The following HMGB1 variants were observed in gnomAD, a reference collection of about 807,000 sequenced individuals.
HMGB1 encodes the protein high mobility group protein B1.
For synonymous variants in HMGB1, 81 were observed against 84.0 expected (o/e 0.96, Z 0.19); for missense variants, 79 against 253.5 (o/e 0.31, Z 4.67).
intron 1 of HMGB1, among the ~76,000 whole-genome samples, chr13:30,516,959 T>C (rs762601686): frequency 6.6e-6 from 1 of 152,126 alleles, no homozygotes; most frequent in Non-Finnish European, 1.5e-5. Context: ...CTAGGGTTCT[T>C]GTGCTTTTAA....
chr13:30,582,545 G>A lies in HMGB1; in HGVS notation c.-15+34126C>T, dbSNP rs192977075. On this transcript the variant is annotated intron_variant, in intron 1 of 4. Transcript: ENST00000405805. ...CCCAGCTACTCGGGAGGCTGAGGCC[G>A]GAGAATGGCATGAACCCGGGAGGTG... 2.6e-5 allele frequency among the ~76,000 whole-genome samples: 4 copies of A among 152,184 alleles called. No homozygotes were observed. In the East Asian group the frequency reaches 5.8e-4, roughly 22 times the overall value.
At position 30,611,901 on chromosome 13, in the gene HMGB1, GAA is replaced by G. The variant is rs528528827; in HGVS notation, c.-15+4768_-15+4769del. ...AAAAAGTTAATAGCTTTCTCAATAA[GAA>G]AAGAGTATCAATTATGCATACGTCT... On this transcript the variant is annotated intron_variant, in intron 1 of 4. Transcript: ENST00000405805. Among the ~76,000 whole-genome samples, 163 of 146,794 alleles carry G rather than the reference GAA, an allele frequency of 1.1e-3. 1 individual carries two copies. The highest frequency in any genetic ancestry group is 1.7e-3 in the Non-Finnish European group (117 of 66,998).
chr13:30,478,668 TTTTTC>T (rs1209867032), intron 1 of HMGB1, among the ~76,000 whole-genome samples: 3 of 152,126 alleles, frequency 2.0e-5, no homozygotes, highest in African/African-American at 4.8e-5. Context: ...CTTTGCTTTC[TTTTTC>T]TTTTCTTTTT....
intron 1 of HMGB1, among the ~76,000 whole-genome samples, chr13:30,576,706 G>C (rs1243030436): frequency 3.3e-5 from 5 of 151,664 alleles, no homozygotes; most frequent in African/African-American, 4.8e-5. Context: ...ACTATCTCCT[G>C]GAAGCTTTCC....
rs201042319 is a variant in HMGB1 at position 30,580,523 on chromosome 13, C to CA, written c.-15+36147dup. ...TGGAATTCACAGGAGAGCAATTTACCAAAAAAAAGAAATTTATTGATTTAT... is the reference window on the plus strand; with the variant it reads ...TGGAATTCACAGGAGAGCAATTTACCAAAAAAAAAGAAATTTATTGATTTAT... On this transcript the variant is annotated intron_variant, in intron 1 of 4. Transcript: ENST00000405805. Among the ~76,000 whole-genome samples the CA allele has an allele frequency of 1.0e-3, 159 of 151,458 alleles. 1 individual carries two copies. Among genetic ancestry groups the CA allele is most frequent in the South Asian group, 1.7e-3 (8 of 4,774 alleles).
At chr13:30,485,545 G>A (rs34700691) in intron 1 of HMGB1, among the ~76,000 whole-genome samples, 25,750 of 152,042 alleles carry the variant, frequency 0.17, 2,398 homozygotes, top group Middle Eastern at 0.3. Context: ...TTAGAGCGAG[G>A]GTCTCTCTAG....
intron 1 of HMGB1, among the ~76,000 whole-genome samples, chr13:30,585,082 T>G (rs1411292353): frequency 1.3e-5 from 2 of 151,456 alleles, no homozygotes; most frequent in Non-Finnish European, 2.9e-5. Context: ...CCCAGGAGAT[T>G]GAGGTTGCAG....
At chr13:30,591,442 T>C (rs2137553333) in intron 1 of HMGB1, among the ~76,000 whole-genome samples, 1 of 152,190 alleles carries the variant, frequency 6.6e-6, no homozygotes, top group Admixed American at 6.5e-5. Flanking sequence ...TTATATAATA[T>C]ATTGTGCTAA....
intron 1 of HMGB1, among the ~76,000 whole-genome samples, chr13:30,563,360 G>A (rs1870044541): frequency 6.6e-6 from 1 of 152,134 alleles, no homozygotes; most frequent in Non-Finnish European, 1.5e-5. Context: ...TGTAATCCTG[G>A]CACTTTGGGA....
At chr13:30,550,425 A>G (rs1869371220) in intron 1 of HMGB1, among the ~76,000 whole-genome samples, 1 of 152,234 alleles carries the variant, frequency 6.6e-6, no homozygotes, top group African/African-American at 2.4e-5. Flanking sequence ...ATGGAATGAG[A>G]GTACATATCC....
chr13:30,477,800 C>G (rs1159957834), intron 1 of HMGB1, among the ~76,000 whole-genome samples: 2 of 152,174 alleles, frequency 1.3e-5, no homozygotes, highest in Admixed American at 6.5e-5. Context: ...CAGTGAGGAG[C>G]TGGACCGGTT....
At chr13:30,610,280 T>C (rs1464571753) in intron 1 of HMGB1, among the ~76,000 whole-genome samples, 1 of 152,234 alleles carries the variant, frequency 6.6e-6, no homozygotes, top group Non-Finnish European at 1.5e-5. Context: ...AACCCCTGTG[T>C]TGCTCAAGGG....
At chr13:30,482,966 T>C (rs1045208520) in intron 1 of HMGB1, among the ~76,000 whole-genome samples, 2 of 150,702 alleles carry the variant, frequency 1.3e-5, no homozygotes, top group Non-Finnish European at 3.0e-5. Flanking sequence ...TTTTTTTTTT[T>C]TCCGTAGAGA....
At chr13:30,489,194 C>T (rs1887430070) in intron 1 of HMGB1, among the ~76,000 whole-genome samples, 1 of 152,106 alleles carries the variant, frequency 6.6e-6, no homozygotes, top group African/African-American at 2.4e-5. Context: ...TTTCTAGGCA[C>T]TTCTAAAAAC....
In HMGB1 at chr13:30,533,214, A is replaced by G. The variant is rs1244706761; in HGVS notation, c.-14-69520T>C. Among the ~76,000 whole-genome samples the G allele has an allele frequency of 8.5e-5, 13 of 152,336 alleles. No individual in the cohort carries two copies. In the East Asian group the frequency reaches 2.5e-3, roughly 29 times the overall value. On this transcript the variant is annotated intron_variant, in intron 1 of 4. Coordinates refer to the HMGB1 transcript ENST00000405805. ...GAGCCAATGTACCATGCAGGGAGGC[A>G]CTGGGATTGGAGCCTGGGGACATTT...
intron 1 of HMGB1, among the ~76,000 whole-genome samples, chr13:30,550,501 C>T (rs567739579): frequency 6.6e-6 from 1 of 152,278 alleles, no homozygotes; most frequent in East Asian, 1.9e-4. Context: ...ATCGAGTCCT[C>T]GTGTTTGTCG....
At chr13:30,568,491 G>C (rs903624511) in intron 1 of HMGB1, among the ~76,000 whole-genome samples, 5 of 152,138 alleles carry the variant, frequency 3.3e-5, no homozygotes, top group African/African-American at 1.2e-4. Flanking sequence ...CTGGGTGACA[G>C]AGTCAGACTC....
chr13:30,462,725 T>C lies in HMGB1; in HGVS notation c.297-13A>G. 3 of 1,598,968 alleles carry C rather than the reference T, an allele frequency of 1.9e-6. No homozygotes were observed. The highest frequency in any genetic ancestry group is 2.6e-6 in the Non-Finnish European group (3 of 1,169,086). On this transcript the variant is annotated splice_polypyrimidine_tract_variant and intron_variant, in intron 3 of 4. Coordinates refer to ENST00000341423, the MANE Select transcript of HMGB1 (RefSeq NM_002128.7). ...GAAGAAGGCCGAACTAAAAAAAAAA[T>C]TAATTTTAGGATTTTAAGTTAACAG... is the stretch of plus-strand genomic sequence containing the variant.
In HMGB1 at chr13:30,457,655, A is replaced by G. The variant is rs1271767762; in HGVS notation, c.*3702T>C. On this transcript the variant is annotated 3_prime_UTR_variant, in exon 5 of 5. Coordinates refer to ENST00000341423, the MANE Select transcript of HMGB1 (RefSeq NM_002128.7). ...TCCTGGTAGAGATTACCTTAGACTGAACCCCCCTGGAAGACGAGCATTACA... is the reference window on the plus strand; with the variant it reads ...TCCTGGTAGAGATTACCTTAGACTGGACCCCCCTGGAAGACGAGCATTACA... The G allele has an allele frequency of 6.6e-6, 1 of 152,262 alleles. No homozygotes were observed. The highest frequency in any genetic ancestry group is 1.5e-5 in the Non-Finnish European group (1 of 68,050). The allele number at this position is 152,262 out of a possible 1,614,324, so 9.4% of individuals were successfully genotyped here. A position where few individuals can be genotyped will look rare whatever the true frequency, so the allele number is the denominator to read the frequency against.
Sources: gnomAD v4.1 joint callset for allele counts (sites outside exome capture counted in the v4.1 genomes callset) on GRCh38, gnomAD v4.1.1 for gene constraint, MANE v1.5 for transcripts, NCBI Gene and HGNC (gene_info 2026-07-23, HGNC 2026-07-21) for gene names.